FANCM: variants seen among roughly 807,000 people sequenced by gnomAD.
FANCM encodes the protein FA complementation group M, also known as Fanconi anemia group M protein.
A neutral mutation model predicts 199.5 loss-of-function variants in FANCM; 140 were observed. The observed-to-expected ratio is 0.70, with a 90% CI of 0.61 to 0.81. FANCM has a LOEUF of 0.81. Ranked by LOEUF, FANCM falls within the 30% of genes least tolerant of loss-of-function variation. The pLI, the probability that FANCM is intolerant of heterozygous loss-of-function variation, is 0.00. For missense variants in FANCM, 2,410 were observed against 2,421.4 expected (o/e 1.00, Z 0.10); for synonymous variants, 840 against 836.8 (o/e 1.00, Z -0.07).
intron 4 of FANCM, among the ~76,000 whole-genome samples, chr14:45,150,971 A>G (rs1303267737): frequency 6.6e-6 from 1 of 152,182 alleles, no homozygotes; most frequent in Non-Finnish European, 1.5e-5. Context: ...TATTCAGGAC[A>G]TTTCAATTTA....
At chr14:45,189,477 A>C (rs1889633144) in intron 20 of FANCM, 115 bp downstream of exon 20, 6 of 812,484 alleles carry the variant, frequency 7.4e-6, no homozygotes, top group Non-Finnish European at 1.2e-5. Flanking sequence ...TTAACAAAAA[A>C]ATTTTGCAGA....
rs563248675 is a variant in FANCM, at chr14:45,136,094, G to C, written c.63G>C (p.Gly21=). The change falls in exon 1 of 23, where the codon GGG becomes GGC. Residue 21 remains glycine, a synonymous_variant. Transcript: ENST00000267430. ...TWGSSISRSS[G]TPGCSSGTER... ...GCTCAAGTATCTCCCGATCATCTGG[G>C]ACTCCGGGTTGCAGCTCCGGAACTG... is the stretch of plus-strand genomic sequence containing the variant. The C allele has an allele frequency of 8.7e-6, 14 of 1,614,112 alleles. No individual in the cohort carries two copies. In the South Asian group the frequency reaches 1.2e-4, roughly 14 times the overall value.
At chr14:45,153,183 A>G (rs1436505529) in intron 5 of FANCM, among the ~76,000 whole-genome samples, 1 of 152,234 alleles carries the variant, frequency 6.6e-6, no homozygotes, top group African/African-American at 2.4e-5. Flanking sequence ...CCATAAAGGA[A>G]TGTGTCCTTC....
At chr14:45,147,729 C>T (rs2139146581) in intron 3 of FANCM, among the ~76,000 whole-genome samples, 1 of 150,986 alleles carries the variant, frequency 6.6e-6, no homozygotes, top group East Asian at 2.0e-4. Flanking sequence ...CCCATCTGTA[C>T]CCAAAATACA....
At chr14:45,183,745 T>G (rs1355129396) in intron 16 of FANCM, 29 bp from the exon 17 acceptor site, 1 of 1,565,438 alleles carries the variant, frequency 6.4e-7, no homozygotes, top group Non-Finnish European at 8.8e-7. Context: ...ATTTTTTTCT[T>G]ATGCAAGAAT....
rs777677503 is a variant in FANCM, at chr14:45,140,710, G to A, written c.759+1G>A. The A allele has an allele frequency of 1.3e-6, 2 of 1,565,696 alleles. No homozygotes were observed. The highest frequency in any genetic ancestry group is 1.8e-6 in the Non-Finnish European group (2 of 1,137,034). On this transcript the variant is annotated splice_donor_variant, in intron 3 of 22. Transcript: ENST00000267430. LOFTEE classifies it high-confidence loss of function. Reference sequence around the variant, plus strand: ...TGCCACACCAGGTAGTGATATAAAGGTAAGTAAAATGTTTTTCCATTTATT... The same window carrying A: ...TGCCACACCAGGTAGTGATATAAAGATAAGTAAAATGTTTTTCCATTTATT...
At chr14:45,169,893 C>T (rs556836850) in intron 11 of FANCM, among the ~76,000 whole-genome samples, 5 of 152,194 alleles carry the variant, frequency 3.3e-5, no homozygotes, top group African/African-American at 1.2e-4. Flanking sequence ...TCCCCCTACA[C>T]TTTACTCATT....
chr14:45,190,935 A>C (rs1203054172), intron 20 of FANCM, among the ~76,000 whole-genome samples: 1 of 152,186 alleles, frequency 6.6e-6, no homozygotes, highest in African/African-American at 2.4e-5. Context: ...AGGTGTGATC[A>C]TAGCTCACTG....
In FANCM at chr14:45,200,160, T is replaced by G; in HGVS notation, c.*152T>G. ...ATTTTTATTTATAGATTATAGAAATTATTAAAAAAGAAAAATCTGATGTTC... is the reference window on the plus strand; with the variant it reads ...ATTTTTATTTATAGATTATAGAAATGATTAAAAAAGAAAAATCTGATGTTC... On this transcript the variant is annotated 3_prime_UTR_variant, in exon 23 of 23. Transcript: ENST00000267430. The G allele has an allele frequency of 3.8e-6, 1 of 266,228 alleles. No individual in the cohort carries two copies. Among genetic ancestry groups the G allele is most frequent in the Non-Finnish European group, 6.3e-6 (1 of 158,542 alleles). The allele number at this position is 266,228 out of a possible 1,614,324, so 16.5% of individuals were successfully genotyped here. A position where few individuals can be genotyped will look rare whatever the true frequency, so the allele number is the denominator to read the frequency against.
chr14:45,180,078 C>A (rs977550254), intron 14 of FANCM, among the ~76,000 whole-genome samples: 3 of 152,182 alleles, frequency 2.0e-5, no homozygotes, highest in African/African-American at 7.2e-5. Context: ...GCGACTTTCC[C>A]AGTTTAGGTT....
At chr14:45,185,966 A>G (rs747044026) in intron 18 of FANCM, among the ~76,000 whole-genome samples, 2 of 152,186 alleles carry the variant, frequency 1.3e-5, no homozygotes, top group African/African-American at 2.4e-5. Context: ...TGGCGCAGTC[A>G]TAGTTCACTG....
intron 16 of FANCM, among the ~76,000 whole-genome samples, chr14:45,182,091 A>T (rs963229237): frequency 6.6e-6 from 1 of 152,202 alleles, no homozygotes; most frequent in African/African-American, 2.4e-5. Context: ...AAGTAAACAG[A>T]TAATTTCAGT....
In FANCM at chr14:45,200,106, A is replaced by C; in HGVS notation, c.*98A>C. On this transcript the variant is annotated 3_prime_UTR_variant, in exon 23 of 23. Transcript: ENST00000267430. ...TATGTTTATTTGTAAATAAGAGAATATTTTATTTAAATATTTTATATTGTA... is the reference window on the plus strand; with the variant it reads ...TATGTTTATTTGTAAATAAGAGAATCTTTTATTTAAATATTTTATATTGTA... 1 of 585,040 alleles carries C rather than the reference A, an allele frequency of 1.7e-6. No individual in the cohort carries two copies. Among genetic ancestry groups the C allele is most frequent in the East Asian group, 4.3e-5 (1 of 23,154 alleles). 36.2% of individuals were successfully genotyped at this position (585,040 alleles called of 1,614,324 possible). A position where few individuals can be genotyped will look rare whatever the true frequency, so the allele number is the denominator to read the frequency against.
chr14:45,142,376 G>A (rs1258164638), intron 3 of FANCM, among the ~76,000 whole-genome samples: 4 of 149,228 alleles, frequency 2.7e-5, no homozygotes, highest in Non-Finnish European at 5.9e-5. Flanking sequence ...GCATGATCTC[G>A]GCTCACTGCA....
rs575755149 is a variant in FANCM at position 45,188,647 on chromosome 14, A to G, written c.4780-155A>G. Reference sequence around the variant, plus strand: ...TCCTCAAACTCATTTTCCTCCATAAAGAATGTACTTAGTTTATGTTAGTTG... The same window carrying G: ...TCCTCAAACTCATTTTCCTCCATAAGGAATGTACTTAGTTTATGTTAGTTG... On this transcript the variant is annotated intron_variant, in intron 19 of 22. Coordinates refer to ENST00000267430, the MANE Select transcript of FANCM (RefSeq NM_020937.4). 2.3e-4 allele frequency among the ~76,000 whole-genome samples: 35 copies of G among 152,306 alleles called. No homozygotes were observed. In the East Asian group the frequency reaches 5.2e-3, roughly 23 times the overall value.
chr14:45,179,042 T>G (rs1888892360), intron 14 of FANCM, among the ~76,000 whole-genome samples: 2 of 151,516 alleles, frequency 1.3e-5, no homozygotes, highest in South Asian at 4.2e-4. Flanking sequence ...CTACTGAAAA[T>G]ACAAAAATTA....
intron 20 of FANCM, among the ~76,000 whole-genome samples, chr14:45,194,401 T>C (rs1038453121): frequency 1.3e-5 from 2 of 152,200 alleles, no homozygotes; most frequent in African/African-American, 4.8e-5. Context: ...TAAAAATACC[T>C]ACATACTTCG....
At chr14:45,192,933 G>A (rs1387981057) in intron 20 of FANCM, among the ~76,000 whole-genome samples, 2 of 152,186 alleles carry the variant, frequency 1.3e-5, no homozygotes, top group African/African-American at 2.4e-5. Flanking sequence ...AGACACAGTG[G>A]GGAATTTATA....
rs780957207 is a variant in FANCM, at chr14:45,176,774, ACT to A, written c.4025_4026del (p.Ser1342Ter). The A allele has an allele frequency of 7.4e-6, 12 of 1,611,102 alleles. No individual in the cohort carries two copies. The highest frequency in any genetic ancestry group is 5.1e-6 in the Non-Finnish European group (6 of 1,178,560). ...TGCAAAAAAAAGTTATGAGTACACC[ACT>A]CTCTAAATCAAACACATTGAACTCA... is the stretch of plus-strand genomic sequence containing the variant. ...PVQKKVMSTP[L>X]SKSNTLNSFS... On this transcript the variant is annotated frameshift_variant, in exon 14 of 23. Transcript: ENST00000267430. LOFTEE classifies it high-confidence loss of function.
Sources: gnomAD v4.1 joint callset for allele counts (sites outside exome capture counted in the v4.1 genomes callset) on GRCh38, gnomAD v4.1.1 for gene constraint, MANE v1.5 for transcripts, NCBI Gene and HGNC (gene_info 2026-07-23, HGNC 2026-07-21) for gene names.